GRID2: variants seen among roughly 807,000 people sequenced by gnomAD.
GRID2 encodes the protein glutamate ionotropic receptor delta type subunit 2.
In GRID2, 33 loss-of-function variants were observed where a neutral mutation model predicts 114.8. The ratio of observed to expected loss-of-function variants is 0.29; its 90% CI spans 0.22 to 0.38. GRID2 has a LOEUF of 0.38. Ranked by LOEUF, GRID2 falls within the 10% of genes least tolerant of loss-of-function variation. GRID2 has a pLI of 1.00. For synonymous variants in GRID2, 505 were observed against 449.9 expected (o/e 1.12, Z -1.55); for missense variants, 1,184 against 1,257.7 (o/e 0.94, Z 0.89).
intron 1 of GRID2, among the ~76,000 whole-genome samples, chr4:92,532,661 G>T (rs10516908): frequency 0.22 from 33,382 of 152,068 alleles, 3,947 homozygotes; most frequent in South Asian, 0.3. Flanking sequence ...GAAGAAATGA[G>T]TTTAGAGTAT....
At chr4:92,660,080 T>C (rs1054121950) in intron 2 of GRID2, among the ~76,000 whole-genome samples, 6 of 151,434 alleles carry the variant, frequency 4.0e-5, no homozygotes, top group African/African-American at 1.5e-4. Flanking sequence ...GAAAATATCA[T>C]TCTTCCCCCA....
chr4:93,359,181 A>G (rs1019491878), intron 8 of GRID2, among the ~76,000 whole-genome samples: 1 of 152,078 alleles, frequency 6.6e-6, no homozygotes, highest in African/African-American at 2.4e-5. Flanking sequence ...CCAACAGGCT[A>G]GATCAGGCAC....
intron 13 of GRID2, among the ~76,000 whole-genome samples, chr4:93,528,439 A>G: frequency 6.7e-6 from 1 of 149,208 alleles, no homozygotes; most frequent in South Asian, 2.1e-4. Context: ...TTACATTCTC[A>G]CCAACATTTA....
intron 9 of GRID2, among the ~76,000 whole-genome samples, chr4:93,410,573 A>C (rs551816182): frequency 1.9e-4 from 29 of 151,958 alleles, no homozygotes; most frequent in Admixed American, 4.6e-4. Flanking sequence ...TGACCTCTCT[A>C]TTCCTTTGTT....
intron 2 of GRID2, among the ~76,000 whole-genome samples, chr4:92,849,104 C>T (rs531528823): frequency 2.6e-5 from 4 of 151,828 alleles, no homozygotes; most frequent in African/African-American, 9.7e-5. Flanking sequence ...CTGTATATGC[C>T]GCCTACCATC....
At chr4:93,108,336 A>G (rs1434303538) in intron 3 of GRID2, among the ~76,000 whole-genome samples, 1 of 152,186 alleles carries the variant, frequency 6.6e-6, no homozygotes, top group Non-Finnish European at 1.5e-5. Flanking sequence ...CCTAGCTCCT[A>G]GTATTGTGTC....
At chr4:93,282,685 A>C (rs1317408500) in intron 8 of GRID2, among the ~76,000 whole-genome samples, 1 of 152,050 alleles carries the variant, frequency 6.6e-6, no homozygotes, top group Non-Finnish European at 1.5e-5. Context: ...TTCAAATCAT[A>C]GTACTACCCT....
rs1485259813 is a variant in GRID2 at position 93,772,520 on chromosome 4, T to C, written c.*22T>C. ...ATGAGCATCAAACAAATCTCTTCAC[T>C]GTTTCTTTTTTAGGACTCCCTTTGC... On this transcript the variant is annotated 3_prime_UTR_variant, in exon 16 of 16. Transcript: ENST00000282020. 1 of 1,521,788 alleles carries C rather than the reference T, an allele frequency of 6.6e-7. No homozygotes were observed. The highest frequency in any genetic ancestry group is 1.4e-5 in the African/African-American group (1 of 71,878). The allele number at this position is 1,521,788 out of a possible 1,614,324, so 94.3% of individuals were successfully genotyped here.
intron 15 of GRID2, among the ~76,000 whole-genome samples, chr4:93,771,504 T>C (rs897831266): frequency 2.0e-5 from 3 of 152,196 alleles, no homozygotes; most frequent in African/African-American, 7.2e-5. Context: ...AATTATTTTG[T>C]GTTGAGTATT....
intron 14 of GRID2, among the ~76,000 whole-genome samples, chr4:93,717,845 T>C (rs981361437): frequency 1.3e-5 from 2 of 152,204 alleles, no homozygotes; most frequent in Non-Finnish European, 1.5e-5. Context: ...TCAACCATAA[T>C]TCAATGAGAA....
intron 2 of GRID2, among the ~76,000 whole-genome samples, chr4:92,694,561 ATTAC>A (rs1377037742): frequency 1.8e-5 from 2 of 109,856 alleles, no homozygotes; most frequent in African/African-American, 1.1e-4. Context: ...TAAGTGGAGT[ATTAC>A]TTTTGTAAAT....
chr4:92,946,469 A>C (rs181485742), intron 2 of GRID2, among the ~76,000 whole-genome samples: 65 of 152,142 alleles, frequency 4.3e-4, no homozygotes, highest in African/African-American at 1.6e-3. Flanking sequence ...GCTTATTCAC[A>C]TATTTCCTAA....
intron 10 of GRID2, among the ~76,000 whole-genome samples, chr4:93,455,262 T>G (rs1723073344): frequency 6.6e-6 from 1 of 152,146 alleles, no homozygotes; most frequent in Admixed American, 6.6e-5. Context: ...AATTTACATG[T>G]TAAGAACATA....
intron 4 of GRID2, among the ~76,000 whole-genome samples, chr4:93,167,531 A>G (rs1016739778): frequency 6.6e-6 from 1 of 152,056 alleles, no homozygotes; most frequent in Non-Finnish European, 1.5e-5. Flanking sequence ...TTGAAAATAG[A>G]TATTAGGTTT....
intron 10 of GRID2, among the ~76,000 whole-genome samples, chr4:93,451,522 G>A (rs6532406): frequency 0.052 from 7,934 of 152,130 alleles, 229 homozygotes; most frequent in South Asian, 0.09. Flanking sequence ...GATAGCCTAC[G>A]TAAAGGTGTG....
chr4:93,580,186 G>A (rs905641344), intron 13 of GRID2, among the ~76,000 whole-genome samples: 1 of 152,146 alleles, frequency 6.6e-6, no homozygotes. Flanking sequence ...GTGAAGTGCT[G>A]CCAGCATTTG....
intron 8 of GRID2, among the ~76,000 whole-genome samples, chr4:93,356,936 G>C (rs1761392488): frequency 1.3e-5 from 2 of 151,488 alleles, no homozygotes; most frequent in Admixed American, 1.3e-4. Flanking sequence ...TTCTTTATAA[G>C]GACAAATGAC....
chr4:92,924,843 A>T (rs1443187149), intron 2 of GRID2, among the ~76,000 whole-genome samples: 2 of 152,152 alleles, frequency 1.3e-5, no homozygotes, highest in Admixed American at 6.6e-5. Context: ...ATCACAGCTC[A>T]GCAATAAGAT....
intron 1 of GRID2, among the ~76,000 whole-genome samples, chr4:92,331,584 TTTG>T (rs1238772417): frequency 1.3e-5 from 2 of 152,184 alleles, no homozygotes; most frequent in African/African-American, 4.8e-5. Flanking sequence ...TAGTTTTTCA[TTTG>T]TTATTTCTTC....
Sources: gnomAD v4.1 joint callset for allele counts (sites outside exome capture counted in the v4.1 genomes callset) on GRCh38, gnomAD v4.1.1 for gene constraint, MANE v1.5 for transcripts, NCBI Gene and HGNC (gene_info 2026-07-23, HGNC 2026-07-21) for gene names.